KCNAB1: variants seen among roughly 807,000 people sequenced by gnomAD.
The protein encoded by KCNAB1 is voltage-gated potassium channel subunit beta-1.
KCNAB1 carries 35 observed loss-of-function variants against 64.6 expected under a neutral mutation model. The observed-to-expected ratio is 0.54, with a 90% confidence interval of 0.41 to 0.72. KCNAB1 has a LOEUF of 0.72. KCNAB1 is among the 30% of genes least tolerant of loss of function. The pLI, the probability that KCNAB1 is intolerant of heterozygous loss-of-function variation, is 0.00. For missense variants in KCNAB1, 401 were observed against 512.9 expected (o/e 0.78, Z 2.11); for synonymous variants, 177 against 183.8 (o/e 0.96, Z 0.30).
chr3:156,449,612 C>G, intron 2 of KCNAB1, among the ~76,000 whole-genome samples: 1 of 152,252 alleles, frequency 6.6e-6, no homozygotes, highest in East Asian at 1.9e-4. Flanking sequence ...GAAAGGTAAG[C>G]TAAATAATGT....
intron 1 of KCNAB1, among the ~76,000 whole-genome samples, chr3:156,303,784 G>T (rs951990944): frequency 6.6e-6 from 1 of 152,146 alleles, no homozygotes; most frequent in African/African-American, 2.4e-5. Flanking sequence ...GACCTACTTT[G>T]CTGTCTTCCA....
At position 156,437,978 on chromosome 3, in the gene KCNAB1, G is replaced by A. The variant is rs541440174; in HGVS notation, c.320-14921G>A. Among the ~76,000 whole-genome samples the A allele has an allele frequency of 5.8e-4, 89 of 152,194 alleles. 1 individual carries two copies. The South Asian group carries it at 0.017, about 30-fold the overall frequency. On this transcript the variant is annotated intron_variant, in intron 2 of 13. Transcript: ENST00000490337. ...CACTGCTTAGACAAGTTGTCATCTC[G>A]GCTGCCATTACAGTCACAGGGGGAG...
chr3:156,157,920 T>C (rs1458925082), intron 1 of KCNAB1, among the ~76,000 whole-genome samples: 1 of 151,952 alleles, frequency 6.6e-6, no homozygotes, highest in Non-Finnish European at 1.5e-5. Flanking sequence ...TCCCAGCACT[T>C]TGGGAGGCCG....
At position 156,443,739 on chromosome 3, in the gene KCNAB1, TACACACACACACAC is replaced by T. The variant is rs71141708; in HGVS notation, c.320-9131_320-9118del. Among the ~76,000 whole-genome samples, 264 of 141,840 alleles carry T rather than the reference TACACACACACACAC, an allele frequency of 1.9e-3. 3 individuals are homozygous for T. The East Asian group carries it at 0.038, about 20-fold the overall frequency. 93.1% of individuals were successfully genotyped at this position (141,840 alleles called of 152,430 possible). On this transcript the variant is annotated intron_variant, in intron 2 of 13. Coordinates refer to ENST00000490337, the MANE Select transcript of KCNAB1 (RefSeq NM_172160.3). The stretch of plus-strand genomic sequence containing the variant: ...AGGGTTCTAAGTAATATTTAGTCCT[TACACACACACACAC>T]ACACACACACACACACACACACACA...
At chr3:156,302,266 A>G (rs1273997627) in intron 1 of KCNAB1, among the ~76,000 whole-genome samples, 2 of 152,056 alleles carry the variant, frequency 1.3e-5, no homozygotes, top group East Asian at 1.9e-4. Flanking sequence ...AAATCTCCTC[A>G]CCTCAGAATC....
At chr3:156,353,540 G>A (rs1292579264) in intron 1 of KCNAB1, among the ~76,000 whole-genome samples, 1 of 152,236 alleles carries the variant, frequency 6.6e-6, no homozygotes, top group Non-Finnish European at 1.5e-5. Context: ...AATCCAGGTG[G>A]CTTAGCTGGG....
intron 1 of KCNAB1, among the ~76,000 whole-genome samples, chr3:156,417,965 T>A (rs1413836259): frequency 6.6e-6 from 1 of 152,236 alleles, no homozygotes; most frequent in Non-Finnish European, 1.5e-5. Context: ...AGCTAAGTGT[T>A]CTGTGCCTCC....
intron 1 of KCNAB1, among the ~76,000 whole-genome samples, chr3:156,132,945 A>G (rs1350427300): frequency 6.6e-6 from 1 of 152,234 alleles, no homozygotes; most frequent in East Asian, 1.9e-4. Flanking sequence ...TTTGTGCAGA[A>G]TTAATGAGGA....
intron 8 of KCNAB1, among the ~76,000 whole-genome samples, chr3:156,511,556 C>G (rs1353837739): frequency 6.6e-6 from 1 of 152,182 alleles, no homozygotes; most frequent in Non-Finnish European, 1.5e-5. Flanking sequence ...TCCTCCCTTT[C>G]CCTGACCACA....
intron 1 of KCNAB1, among the ~76,000 whole-genome samples, chr3:156,213,542 A>G (rs1460331266): frequency 2.0e-5 from 3 of 152,082 alleles, no homozygotes; most frequent in Admixed American, 6.6e-5. Flanking sequence ...TCCATCTCTA[A>G]TAAGTTGCAA....
At chr3:156,247,244 G>A (rs545518328) in intron 1 of KCNAB1, among the ~76,000 whole-genome samples, 6 of 152,256 alleles carry the variant, frequency 3.9e-5, no homozygotes, top group Non-Finnish European at 4.4e-5. Flanking sequence ...GGTTGCAGGG[G>A]TCTGAGATAG....
At chr3:156,446,420 G>A (rs1053951929) in intron 2 of KCNAB1, among the ~76,000 whole-genome samples, 17 of 152,132 alleles carry the variant, frequency 1.1e-4, no homozygotes, top group African/African-American at 4.1e-4. Flanking sequence ...ATGTGACCTA[G>A]GGTTTGAACC....
chr3:156,500,247 C>T (rs1490635458), intron 8 of KCNAB1, among the ~76,000 whole-genome samples: 2 of 152,104 alleles, frequency 1.3e-5, no homozygotes, highest in Non-Finnish European at 2.9e-5. Flanking sequence ...CACACCAGTG[C>T]CACAAGGGAA....
At chr3:156,213,570 G>A (rs956947910) in intron 1 of KCNAB1, among the ~76,000 whole-genome samples, 26 of 152,062 alleles carry the variant, frequency 1.7e-4, no homozygotes, top group Admixed American at 8.5e-4. Context: ...CCAAGGCCAC[G>A]ACACACCCAC....
rs193179293 is a variant in KCNAB1, at chr3:156,396,796, C to T, written c.276-24820C>T. The stretch of plus-strand genomic sequence containing the variant: ...GGTGGACCACAGTCATGGAATCACT[C>T]AAGAAGTTATACAAGCCATGCTGGG... On this transcript the variant is annotated intron_variant, in intron 1 of 13. Transcript: ENST00000490337. Among the ~76,000 whole-genome samples the T allele has an allele frequency of 2.0e-5, 3 of 152,326 alleles. No homozygotes were observed. In the East Asian group the frequency reaches 5.8e-4, roughly 29 times the overall value.
intron 1 of KCNAB1, among the ~76,000 whole-genome samples, chr3:156,373,996 G>A (rs1711509422): frequency 6.6e-6 from 1 of 152,158 alleles, no homozygotes; most frequent in African/African-American, 2.4e-5. Flanking sequence ...AAATGGCCAG[G>A]GTTAGATTCT....
chr3:156,312,082 G>A (rs1367673694), intron 1 of KCNAB1, among the ~76,000 whole-genome samples: 2 of 152,200 alleles, frequency 1.3e-5, no homozygotes, highest in African/African-American at 4.8e-5. Flanking sequence ...GCCTTGAAAT[G>A]CATTAGTAAC....
intron 1 of KCNAB1, among the ~76,000 whole-genome samples, chr3:156,338,303 C>CTTTTTTTTTTT (rs34671816): frequency 0.065 from 2,574 of 39,338 alleles, 786 homozygotes; most frequent in Non-Finnish European, 0.083. Context: ...GGCATTTGCA[C>CTTTTTTTTTTT]TTTTTTTTTT....
rs77982907 is a variant in KCNAB1, at chr3:156,134,851, G to A, written c.275+13965G>A. ...CTTCTATAGCAGAGACACACTGAGG[G>A]CTTTTCAGTGGATTGTTTTTCAACA... On this transcript the variant is annotated intron_variant, in intron 1 of 13. Coordinates refer to ENST00000490337, the MANE Select transcript of KCNAB1 (RefSeq NM_172160.3). Among the ~76,000 whole-genome samples, 721 of 152,276 alleles carry A rather than the reference G, an allele frequency of 4.7e-3. 8 individuals carry two copies. Among genetic ancestry groups the A allele is most frequent in the African/African-American group, 0.017 (693 of 41,552 alleles).
Sources: allele counts gnomAD v4.1 joint callset (sites outside exome capture counted in the v4.1 genomes callset), GRCh38; gene constraint gnomAD v4.1.1; transcripts MANE v1.5; gene names NCBI Gene and HGNC (gene_info 2026-07-23, HGNC 2026-07-21).